The following NDRG3 variants were observed in gnomAD, a reference collection of about 807,000 sequenced individuals.
The protein encoded by NDRG3 is NDRG family member 3.
NDRG3 carries 23 observed loss-of-function variants against 57.2 expected under a neutral mutation model. The observed-to-expected ratio is 0.40, with a 90% confidence interval of 0.29 to 0.57. The LOEUF is 0.57. Ranked by LOEUF, NDRG3 falls within the 20% of genes least tolerant of loss-of-function variation. NDRG3 has a pLI of 0.42. For synonymous variants in NDRG3, 132 were observed against 162.6 expected (o/e 0.81, Z 1.43); for missense variants, 384 against 457.3 (o/e 0.84, Z 1.46).
intron 13 of NDRG3, among the ~76,000 whole-genome samples, chr20:36,657,343 C>G (rs1978766808): frequency 6.6e-6 from 1 of 152,054 alleles, no homozygotes; most frequent in Admixed American, 6.6e-5. Flanking sequence ...CAAAAATTAG[C>G]CGGGCGTGGT....
intron 3 of NDRG3, among the ~76,000 whole-genome samples, chr20:36,705,218 G>A (rs6071967): frequency 1.3e-5 from 2 of 151,794 alleles, no homozygotes; most frequent in African/African-American, 4.8e-5. Context: ...GCTACTTGGA[G>A]GCTGAGGCAG....
rs1310884506 is a variant in NDRG3, at chr20:36,739,133, TCAAAAAAAAAAAA to T, written c.-49+6899_-49+6911del. Among the ~76,000 whole-genome samples the T allele has an allele frequency of 8.9e-4, 28 of 31,516 alleles. 1 individual carries two copies. The highest frequency in any genetic ancestry group is 1.5e-3 in the South Asian group (1 of 676). The allele number at this position is 31,516 out of a possible 152,430, so 20.7% of individuals were successfully genotyped here. A position where few individuals can be genotyped will look rare whatever the true frequency, so the allele number is the denominator to read the frequency against. On this transcript the variant is annotated intron_variant, in intron 1 of 15. Transcript: ENST00000349004. ...CTGGGTGACAAAACGAGACCCCATC[TCAAAAAAAAAAAA>T]AAAAAAAAAAAAAAAAAAAAGGCCA...
intron 9 of NDRG3, among the ~76,000 whole-genome samples, chr20:36,668,898 C>T (rs1049263218): frequency 6.6e-6 from 1 of 151,614 alleles, no homozygotes; most frequent in Non-Finnish European, 1.5e-5. Flanking sequence ...TTATTAAATA[C>T]TGGCCTTAGC....
At chr20:36,678,062 CTTGAATGGATTTT>C (rs1980912376) in intron 8 of NDRG3, among the ~76,000 whole-genome samples, 1 of 152,150 alleles carries the variant, frequency 6.6e-6, no homozygotes, top group Non-Finnish European at 1.5e-5. Context: ...TTCCTATCTC[CTTGAATGGATTTT>C]AGAGGTTAAA....
At chr20:36,664,423 C>T (rs1431475325) in intron 12 of NDRG3, among the ~76,000 whole-genome samples, 3 of 152,096 alleles carry the variant, frequency 2.0e-5, no homozygotes, top group Non-Finnish European at 4.4e-5. Context: ...GCCTTCCAGC[C>T]TGCTGGATTT....
At chr20:36,659,968 G>C (rs1979016380) in intron 13 of NDRG3, among the ~76,000 whole-genome samples, 1 of 151,634 alleles carries the variant, frequency 6.6e-6, no homozygotes. Flanking sequence ...CAGCACTTTG[G>C]GAGGCCAAGG....
rs565726958 is a variant in NDRG3, at chr20:36,676,646, A to G, written c.531+4170T>C. 2.2e-3 allele frequency among the ~76,000 whole-genome samples: 341 copies of G among 152,326 alleles called. 3 individuals carry two copies. Among genetic ancestry groups the G allele is most frequent in the Non-Finnish European group, 3.5e-4 (24 of 68,030 alleles). On this transcript the variant is annotated intron_variant, in intron 8 of 15. Coordinates refer to ENST00000349004, the MANE Select transcript of NDRG3 (RefSeq NM_032013.4). ...CCTGGCTAATGTTTTTATTTTTAGT[A>G]GAAACGGGGTTTCGCCATGTTGGCC...
rs772391931 is a variant in NDRG3, at chr20:36,688,016, C to T, written c.200-404G>A. Reference sequence around the variant, plus strand: ...TGTCCTGAGCTGTTCACATTCACCACACGGGAGTTTGTCTCTTGGCAAAAT... The same window carrying T: ...TGTCCTGAGCTGTTCACATTCACCATACGGGAGTTTGTCTCTTGGCAAAAT... On this transcript the variant is annotated intron_variant, in intron 4 of 15. Transcript: ENST00000349004. Among the ~76,000 whole-genome samples the T allele has an allele frequency of 5.1e-4, 77 of 152,218 alleles. 1 individual carries two copies. Among genetic ancestry groups the T allele is most frequent in the Admixed American group, 3.9e-4 (6 of 15,276 alleles).
chr20:36,661,976 C>T (rs1979239687), intron 12 of NDRG3, among the ~76,000 whole-genome samples: 1 of 152,150 alleles, frequency 6.6e-6, no homozygotes, highest in African/African-American at 2.4e-5. Context: ...CAGTGACAAA[C>T]AAATGTACCC....
At chr20:36,718,284 T>C (rs1182197854) in intron 2 of NDRG3, among the ~76,000 whole-genome samples, 1 of 152,206 alleles carries the variant, frequency 6.6e-6, no homozygotes. Context: ...AGAGGGCCTC[T>C]TGCCTATCTA....
intron 2 of NDRG3, among the ~76,000 whole-genome samples, chr20:36,715,346 A>G (rs1434158641): frequency 6.6e-6 from 1 of 151,798 alleles, no homozygotes; most frequent in Non-Finnish European, 1.5e-5. Flanking sequence ...AGTCCCGTCT[A>G]GAGCACTTCT....
intron 2 of NDRG3, among the ~76,000 whole-genome samples, chr20:36,708,711 ACTG>A (rs1983697155): frequency 6.6e-6 from 1 of 151,894 alleles, no homozygotes; most frequent in Admixed American, 6.6e-5. Context: ...CACCAACTAC[ACTG>A]CTGGCTGGAC....
intron 1 of NDRG3, among the ~76,000 whole-genome samples, chr20:36,736,432 T>C (rs1354365654): frequency 6.6e-6 from 1 of 152,102 alleles, no homozygotes; most frequent in Non-Finnish European, 1.5e-5. Flanking sequence ...GCCAGCTAGG[T>C]GTGGAGCTGG....
intron 7 of NDRG3, among the ~76,000 whole-genome samples, chr20:36,681,169 A>G (rs1476856578): frequency 1.3e-5 from 2 of 152,206 alleles, no homozygotes. Flanking sequence ...TGTTCAATTC[A>G]TGGTGGATCT....
At chr20:36,734,770 A>G (rs1985523027) in intron 1 of NDRG3, among the ~76,000 whole-genome samples, 1 of 151,508 alleles carries the variant, frequency 6.6e-6, no homozygotes, top group Non-Finnish European at 1.5e-5. Flanking sequence ...CACTCCCCCA[A>G]CAGCTGTGAC....
chr20:36,702,734 G>A (rs892009186), intron 3 of NDRG3, among the ~76,000 whole-genome samples: 7 of 151,640 alleles, frequency 4.6e-5, no homozygotes, highest in African/African-American at 1.7e-4. Flanking sequence ...TGTTGACCAG[G>A]CTGGAGTGCA....
chr20:36,715,957 T>C (rs529615686), intron 2 of NDRG3, among the ~76,000 whole-genome samples: 5 of 148,300 alleles, frequency 3.4e-5, no homozygotes, highest in African/African-American at 1.2e-4. Flanking sequence ...TCTAAAAAAA[T>C]ACAAAACGTA....
At chr20:36,693,227 T>C (rs1366722054) in intron 3 of NDRG3, among the ~76,000 whole-genome samples, 4 of 142,332 alleles carry the variant, frequency 2.8e-5, no homozygotes, top group Non-Finnish European at 4.5e-5. Context: ...TGTATATACG[T>C]ATATATATGT....
At chr20:36,657,029 A>G (rs2148018990) in intron 13 of NDRG3, among the ~76,000 whole-genome samples, 1 of 152,220 alleles carries the variant, frequency 6.6e-6, no homozygotes, top group Middle Eastern at 3.4e-3. Flanking sequence ...GCTGCTTTTC[A>G]CTTCATAAAC....
Sources: gnomAD v4.1 joint callset for allele counts (sites outside exome capture counted in the v4.1 genomes callset) on GRCh38, gnomAD v4.1.1 for gene constraint, MANE v1.5 for transcripts, NCBI Gene and HGNC (gene_info 2026-07-23, HGNC 2026-07-21) for gene names.